Variants in PTPRD observed in about 807,000 individuals in gnomAD.
PTPRD encodes protein tyrosine phosphatase receptor type D.
Under a neutral mutation model 214.5 loss-of-function variants are expected in PTPRD, and 34 were observed. The observed-to-expected ratio is 0.16, with a 90% CI of 0.12 to 0.21. PTPRD has a LOEUF of 0.21. PTPRD is among the 10% of genes least tolerant of loss of function. The pLI is 1.00. For synonymous variants in PTPRD, 1,128 were observed against 845.7 expected (o/e 1.33, Z -5.79); for missense variants, 2,545 against 2,398.7 (o/e 1.06, Z -1.27).
At chr9:10,552,480 C>G (rs957388258) in intron 2 of PTPRD, among the ~76,000 whole-genome samples, 16 of 151,838 alleles carry the variant, frequency 1.1e-4, no homozygotes, top group African/African-American at 3.6e-4. Context: ...TCTTTTTTTT[C>G]TACATGATCA....
intron 30 of PTPRD, among the ~76,000 whole-genome samples, chr9:8,473,436 C>G (rs1565096927): frequency 6.6e-6 from 1 of 152,146 alleles, no homozygotes; most frequent in Non-Finnish European, 1.5e-5. Flanking sequence ...AGGAGAATGA[C>G]AGAGGCTGCA....
rs115447417 is a variant in PTPRD, at chr9:9,732,054, G to T, written c.-287+2479C>A. Reference sequence around the variant, plus strand: ...ACAGGGGGAATCAAACTACAATATTGAAAACAATGAAGACTTCCAGGAGAA... The same window carrying T: ...ACAGGGGGAATCAAACTACAATATTTAAAACAATGAAGACTTCCAGGAGAA... On this transcript the variant is annotated intron_variant, in intron 7 of 45. Coordinates refer to ENST00000381196, the MANE Select transcript of PTPRD (RefSeq NM_002839.4). Among the ~76,000 whole-genome samples the T allele has an allele frequency of 1.2e-3, 190 of 152,104 alleles. 1 individual carries two copies. Among genetic ancestry groups the T allele is most frequent in the African/African-American group, 4.2e-3 (175 of 41,496 alleles).
chr9:8,319,640 A>G (rs1040368841), intron 45 of PTPRD, among the ~76,000 whole-genome samples, 191 bp downstream of exon 45: 1 of 152,106 alleles, frequency 6.6e-6, no homozygotes, highest in Non-Finnish European at 1.5e-5. Flanking sequence ...CATAATTTCT[A>G]TAGCAACACT....
At chr9:9,036,221 A>AT in intron 10 of PTPRD, among the ~76,000 whole-genome samples, 1 of 151,952 alleles carries the variant, frequency 6.6e-6, no homozygotes, top group East Asian at 1.9e-4. Context: ...AAAAAAAAAA[A>AT]AAACTTGGCA....
chr9:9,985,219 A>C (rs553497159), intron 4 of PTPRD, among the ~76,000 whole-genome samples: 61 of 152,304 alleles, frequency 4.0e-4, no homozygotes, highest in African/African-American at 1.4e-3. Flanking sequence ...TCTCTTTCCA[A>C]ATTTGTCCTC....
intron 2 of PTPRD, among the ~76,000 whole-genome samples, chr9:10,495,297 A>T (rs1173440609): frequency 6.6e-6 from 1 of 151,758 alleles, no homozygotes; most frequent in Non-Finnish European, 1.5e-5. Context: ...TCAAGTCAGA[A>T]ATCACTCAGA....
intron 3 of PTPRD, among the ~76,000 whole-genome samples, chr9:10,264,190 G>C (rs1439879001): frequency 6.6e-6 from 1 of 152,190 alleles, no homozygotes; most frequent in Non-Finnish European, 1.5e-5. Flanking sequence ...ATGTGGGGTT[G>C]AAGCCCCCAC....
chr9:8,929,765 A>G (rs1234337862), intron 11 of PTPRD, among the ~76,000 whole-genome samples: 2,926 of 48,070 alleles, frequency 0.061, 485 homozygotes, highest in South Asian at 0.082. Context: ...ATGTATATAT[A>G]TGTGTATATA....
intron 7 of PTPRD, among the ~76,000 whole-genome samples, chr9:9,697,158 AT>A (rs1357287160): frequency 1.3e-5 from 2 of 152,090 alleles, no homozygotes; most frequent in African/African-American, 2.4e-5. Context: ...TGTTGTAGCT[AT>A]TTTTTTGATA....
intron 2 of PTPRD, among the ~76,000 whole-genome samples, chr9:10,432,676 T>C (rs1478955254): frequency 3.3e-5 from 5 of 151,948 alleles, no homozygotes; most frequent in East Asian, 3.9e-4. Context: ...AAAACACCAA[T>C]GCCCTCAAAT....
intron 33 of PTPRD, among the ~76,000 whole-genome samples, chr9:8,456,539 G>C (rs1228770277): frequency 1.3e-5 from 2 of 152,118 alleles, no homozygotes; most frequent in Non-Finnish European, 2.9e-5. Flanking sequence ...CAGTATGGTT[G>C]GGTGTGGCCA....
intron 14 of PTPRD, among the ~76,000 whole-genome samples, chr9:8,631,024 G>C (rs1486803494): frequency 1.3e-5 from 2 of 151,802 alleles, no homozygotes; most frequent in East Asian, 1.9e-4. Flanking sequence ...TTCTAAACTA[G>C]GTAAATAAAT....
intron 44 of PTPRD, among the ~76,000 whole-genome samples, chr9:8,325,911 AT>A (rs1392798684): frequency 3.9e-5 from 6 of 152,252 alleles, no homozygotes; most frequent in Non-Finnish European, 7.4e-5. Flanking sequence ...ATTTTTGCAC[AT>A]TGATTTTGTA....
intron 7 of PTPRD, among the ~76,000 whole-genome samples, chr9:9,589,091 T>C (rs2092427517): frequency 6.6e-6 from 1 of 152,010 alleles, no homozygotes. Context: ...ATTTCAACTT[T>C]CTTAGTTCTA....
At chr9:9,451,413 G>A (rs2092137557) in intron 8 of PTPRD, among the ~76,000 whole-genome samples, 1 of 151,680 alleles carries the variant, frequency 6.6e-6, no homozygotes, top group Admixed American at 6.6e-5. Flanking sequence ...ATGCAATTTT[G>A]CAGTTTGTTT....
intron 7 of PTPRD, among the ~76,000 whole-genome samples, chr9:9,598,963 T>G (rs1177941891): frequency 1.3e-5 from 2 of 152,036 alleles, no homozygotes; most frequent in African/African-American, 2.4e-5. Flanking sequence ...CCTAAGCCCC[T>G]CATATTGTAC....
At chr9:8,722,279 T>C (rs2154420896) in intron 12 of PTPRD, among the ~76,000 whole-genome samples, 1 of 152,172 alleles carries the variant, frequency 6.6e-6, no homozygotes, top group East Asian at 1.9e-4. Flanking sequence ...AGGGTCAGAA[T>C]TCTCCTACCT....
At chr9:9,001,945 G>T (rs989721496) in intron 11 of PTPRD, among the ~76,000 whole-genome samples, 9 of 137,696 alleles carry the variant, frequency 6.5e-5, no homozygotes, top group African/African-American at 1.9e-4. Flanking sequence ...CTTCCAATAT[G>T]CAATAATTGA....
intron 32 of PTPRD, among the ~76,000 whole-genome samples, chr9:8,464,140 A>T (rs971821755): frequency 4.6e-5 from 7 of 151,916 alleles, no homozygotes; most frequent in African/African-American, 1.4e-4. Flanking sequence ...CACAGTGTGT[A>T]GTTCAGTGGT....
Sources: allele counts gnomAD v4.1 joint callset (sites outside exome capture counted in the v4.1 genomes callset), GRCh38; gene constraint gnomAD v4.1.1; transcripts MANE v1.5; gene names NCBI Gene and HGNC (gene_info 2026-07-23, HGNC 2026-07-21).